CCDC7: variants seen among roughly 807,000 people sequenced by gnomAD.
CCDC7 encodes the protein coiled-coil domain-containing protein 7.
A neutral mutation model predicts 196.9 loss-of-function variants in CCDC7; 183 were observed. That is an observed-to-expected ratio of 0.93 (90% confidence interval 0.82 to 1.05). The LOEUF (loss-of-function observed/expected upper bound fraction) is 1.05, where lower values mean the gene tolerates loss of function less well. CCDC7 is among the 50% of genes least tolerant of loss of function. CCDC7 has a pLI of 0.00. For synonymous variants in CCDC7, 525 were observed against 484.6 expected, an observed-to-expected ratio of 1.08 and a Z score of -1.10; for missense variants, 1,540 against 1,482.2, an observed-to-expected ratio of 1.04 and a Z score of -0.64.
chr10:32,581,695 T>G (rs550114175), intron 16 of CCDC7, among the ~76,000 whole-genome samples: 1 of 152,306 alleles, frequency 6.6e-6, no homozygotes, highest in African/African-American at 2.4e-5. Flanking sequence ...GTACAGTATA[T>G]TAGCATTTAA....
chr10:32,663,268 T>G (rs1279459739), intron 20 of CCDC7, among the ~76,000 whole-genome samples: 2 of 152,144 alleles, frequency 1.3e-5, no homozygotes, highest in East Asian at 3.9e-4. Flanking sequence ...CTCTACATAC[T>G]TTTTCATCAC....
chr10:32,634,584 A>G (rs547354562), intron 19 of CCDC7, among the ~76,000 whole-genome samples: 1 of 151,946 alleles, frequency 6.6e-6, no homozygotes, highest in South Asian at 2.1e-4. Flanking sequence ...CTTAGTAGAG[A>G]CGGGGTTTCA....
At chr10:32,861,029 T>C (rs746631232) in intron 41 of CCDC7, among the ~76,000 whole-genome samples, 1 of 150,730 alleles carries the variant, frequency 6.6e-6, no homozygotes, top group South Asian at 2.1e-4. Context: ...CAAGCTACCA[T>C]TGACTTTCTT....
At chr10:32,719,657 C>T (rs969002570) in intron 25 of CCDC7, among the ~76,000 whole-genome samples, 9 of 152,084 alleles carry the variant, frequency 5.9e-5, no homozygotes, top group Non-Finnish European at 1.0e-4. Context: ...CTACAAGGAA[C>T]TTAAACAAAT....
At chr10:32,538,726 C>T (rs917707129) in intron 11 of CCDC7, among the ~76,000 whole-genome samples, 1 of 152,000 alleles carries the variant, frequency 6.6e-6, no homozygotes, top group Admixed American at 6.6e-5. Flanking sequence ...TCTTTTCTGC[C>T]TCTGTTGAGA....
chr10:32,488,379 C>G (rs141078350), intron 8 of CCDC7, among the ~76,000 whole-genome samples: 6,851 of 152,300 alleles, frequency 0.045, 515 homozygotes, highest in African/African-American at 0.16. Flanking sequence ...CAGGTGCCGT[C>G]TGTCACCCCT....
At chr10:32,589,376 A>G (rs1202046418) in intron 18 of CCDC7, among the ~76,000 whole-genome samples, 2 of 152,146 alleles carry the variant, frequency 1.3e-5, no homozygotes, top group East Asian at 1.9e-4. Context: ...ATATGTACCA[A>G]ATTTTCTTTA....
intron 13 of CCDC7, among the ~76,000 whole-genome samples, chr10:32,551,444 G>A (rs2053463366): frequency 6.6e-6 from 1 of 151,876 alleles, no homozygotes; most frequent in African/African-American, 2.4e-5. Flanking sequence ...CTGGGTTTGG[G>A]TTTGGTTTGT....
At chr10:32,476,212 A>G (rs1301344986) in intron 8 of CCDC7, among the ~76,000 whole-genome samples, 1 of 151,818 alleles carries the variant, frequency 6.6e-6, no homozygotes, top group Non-Finnish European at 1.5e-5. Context: ...CCACCTATTC[A>G]CCTCTTCCTC....
rs373013842 is a variant in CCDC7, at chr10:32,611,998, A to G, written c.1802-22256A>G. Among the ~76,000 whole-genome samples the G allele has an allele frequency of 7.2e-5, 11 of 152,284 alleles. No homozygotes were observed. The East Asian group carries it at 1.9e-3, about 27-fold the overall frequency. On this transcript the variant is annotated intron_variant, in intron 18 of 41. Transcript: ENST00000639629. ...GATGGGAATAGCATTGAATCTATAAATTACTTGGGACAATATGGCCATTTT... is the reference window on the plus strand; with the variant it reads ...GATGGGAATAGCATTGAATCTATAAGTTACTTGGGACAATATGGCCATTTT...
At chr10:32,741,355 T>C (rs551233807) in intron 28 of CCDC7, among the ~76,000 whole-genome samples, 152 of 152,364 alleles carry the variant, frequency 1.0e-3, no homozygotes, top group African/African-American at 3.5e-3. Flanking sequence ...TGCTGGAATC[T>C]TTTCAATTAA....
intron 8 of CCDC7, among the ~76,000 whole-genome samples, chr10:32,482,166 T>C (rs887573604): frequency 1.2e-4 from 18 of 149,584 alleles, no homozygotes; most frequent in African/African-American, 1.2e-4. Context: ...ATAAATCCTG[T>C]AGGCTTTATT....
rs201302041 is a variant in CCDC7, at chr10:32,524,133, A to AT, written c.993+5634dup. On this transcript the variant is annotated intron_variant, in intron 11 of 41. Transcript: ENST00000639629. Reference sequence around the variant, plus strand: ...GGTTTGCTTTAATTTCTTGCTTTTTATTTTTTGTGTATTCCTTGCTTGTTT... The same window carrying AT: ...GGTTTGCTTTAATTTCTTGCTTTTTATTTTTTTGTGTATTCCTTGCTTGTTT... 4.0e-5 allele frequency among the ~76,000 whole-genome samples: 4 copies of AT among 99,478 alleles called. No individual in the cohort carries two copies. The South Asian group carries it at 1.2e-3, about 29-fold the overall frequency. The allele number at this position is 99,478 out of a possible 152,430, so 65.3% of individuals were successfully genotyped here.
intron 5 of CCDC7, among the ~76,000 whole-genome samples, chr10:32,465,361 A>T (rs1317754878): frequency 6.6e-6 from 1 of 152,020 alleles, no homozygotes; most frequent in Non-Finnish European, 1.5e-5. Context: ...ATCTATCCAG[A>T]CTGAATTCTG....
chr10:32,809,030 A>T (rs1592977829), intron 30 of CCDC7, among the ~76,000 whole-genome samples: 1 of 152,130 alleles, frequency 6.6e-6, no homozygotes, highest in Non-Finnish European at 1.5e-5. Flanking sequence ...AACTTTTTTT[A>T]ATTTGAAAAG....
chr10:32,566,762 A>C lies in CCDC7; in HGVS notation c.1198-908A>C, dbSNP rs538626525. Among the ~76,000 whole-genome samples, 571 of 150,888 alleles carry C rather than the reference A, an allele frequency of 3.8e-3. 4 individuals carry two copies. Among genetic ancestry groups the C allele is most frequent in the African/African-American group, 0.013 (544 of 41,062 alleles). ...CCCTGTCTCTATTAAAAATACAAAA[A>C]CTGACTGGGTGTGGTGGTGTGGGCC... On this transcript the variant is annotated intron_variant, in intron 14 of 41. Transcript: ENST00000639629.
chr10:32,593,716 G>T (rs1012145545), intron 18 of CCDC7, among the ~76,000 whole-genome samples: 2 of 152,034 alleles, frequency 1.3e-5, no homozygotes, highest in Non-Finnish European at 2.9e-5. Flanking sequence ...ATCTTGAATT[G>T]ATTTTTGTAT....
At chr10:32,704,537 G>T (rs1307822005) in intron 24 of CCDC7, among the ~76,000 whole-genome samples, 1 of 152,136 alleles carries the variant, frequency 6.6e-6, no homozygotes, top group African/African-American at 2.4e-5. Context: ...CTTCACAGTT[G>T]TCAGACAGGG....
chr10:32,588,833 G>T (rs1439301186), intron 18 of CCDC7, among the ~76,000 whole-genome samples: 1 of 151,856 alleles, frequency 6.6e-6, no homozygotes, highest in Admixed American at 6.6e-5. Context: ...CTAGTTATAG[G>T]TCTGTTCAGA....
Sources: allele counts gnomAD v4.1 joint callset (sites outside exome capture counted in the v4.1 genomes callset), GRCh38; gene constraint gnomAD v4.1.1; transcripts MANE v1.5; gene names NCBI Gene and HGNC (gene_info 2026-07-23, HGNC 2026-07-21).